NRG3: variants seen among roughly 807,000 people sequenced by gnomAD.
NRG3 encodes the protein pro-neuregulin-3, membrane-bound isoform.
In NRG3, 31 loss-of-function variants were observed where a neutral mutation model predicts 66.9. That is an observed-to-expected ratio of 0.46 (90% CI 0.35 to 0.63). The LOEUF (loss-of-function observed/expected upper bound fraction) is 0.63. Ranked by LOEUF, NRG3 falls within the 20% of genes least tolerant of loss-of-function variation. NRG3 has a pLI of 0.00. For synonymous variants in NRG3, 393 were observed against 359.4 expected (o/e 1.09, Z -1.06); for missense variants, 910 against 878.9 (o/e 1.04, Z -0.45).
chr10:81,919,078 A>G (rs1845999592), intron 1 of NRG3, among the ~76,000 whole-genome samples: 1 of 152,100 alleles, frequency 6.6e-6, no homozygotes, highest in South Asian at 2.1e-4. Flanking sequence ...GGGGAAGTAA[A>G]TGTAATAAAT....
chr10:82,790,360 C>G (rs966551185), intron 3 of NRG3, among the ~76,000 whole-genome samples: 4 of 152,002 alleles, frequency 2.6e-5, no homozygotes, highest in African/African-American at 7.2e-5. Flanking sequence ...AGGACAGTTT[C>G]GCTATTGGTT....
chr10:82,668,535 C>T (rs2052985368), intron 2 of NRG3, among the ~76,000 whole-genome samples: 1 of 152,056 alleles, frequency 6.6e-6, no homozygotes, highest in Non-Finnish European at 1.5e-5. Flanking sequence ...CAAATTTACC[C>T]CAATTTGAAA....
At chr10:82,160,528 CAG>C (rs372857490) in intron 1 of NRG3, among the ~76,000 whole-genome samples, 12 of 151,664 alleles carry the variant, frequency 7.9e-5, no homozygotes, top group African/African-American at 2.7e-4. Flanking sequence ...GTTTTTGAGA[CAG>C]AGTCTTGCTC....
chr10:82,411,380 G>A (rs371813924), intron 2 of NRG3, among the ~76,000 whole-genome samples: 22 of 152,276 alleles, frequency 1.4e-4, no homozygotes, highest in African/African-American at 4.8e-4. Context: ...TTCAAAACAA[G>A]CTCTTGCTGG....
At chr10:82,699,592 T>C (rs1392724818) in intron 2 of NRG3, among the ~76,000 whole-genome samples, 1 of 152,090 alleles carries the variant, frequency 6.6e-6, no homozygotes, top group Admixed American at 6.6e-5. Context: ...TATCTAATAC[T>C]TATTATAGCA....
chr10:81,990,714 T>C (rs1421195864), intron 1 of NRG3, among the ~76,000 whole-genome samples: 1 of 152,174 alleles, frequency 6.6e-6, no homozygotes, highest in East Asian at 1.9e-4. Context: ...ATAGCAGCCA[T>C]ATAAATAACA....
chr10:82,113,917 C>T (rs1022819043), intron 1 of NRG3, among the ~76,000 whole-genome samples: 8 of 152,058 alleles, frequency 5.3e-5, no homozygotes, highest in Non-Finnish European at 1.0e-4. Flanking sequence ...ATATTTGTAA[C>T]AATCACTTCT....
rs1057413884 is a variant in NRG3 at position 82,912,105 on chromosome 10, T to C, written c.1055-39364T>C. ...GTTTTGTGACCCAGAATTTGGTGAA[T>C]ATTTTATGTGAAATTGAGAAGAATG... is the stretch of plus-strand genomic sequence containing the variant. On this transcript the variant is annotated intron_variant, in intron 4 of 8. Coordinates refer to ENST00000372141, the MANE Select transcript of NRG3 (RefSeq NM_001010848.4). Among the ~76,000 whole-genome samples the C allele has an allele frequency of 1.2e-4, 19 of 152,304 alleles. 1 individual carries two copies. In the East Asian group the frequency reaches 1.3e-3, roughly 11 times the overall value.
rs1486965310 is a variant in NRG3 at position 82,952,214 on chromosome 10, C to T, written c.1157+643C>T. Among the ~76,000 whole-genome samples the T allele has an allele frequency of 3.3e-5, 5 of 152,048 alleles. No homozygotes were observed. In the East Asian group the frequency reaches 5.8e-4, roughly 18 times the overall value. On this transcript the variant is annotated intron_variant, in intron 5 of 8. Transcript: ENST00000372141. Reference sequence around the variant, plus strand: ...TTGAGGGGCCGAGGCAAGTGGATCACCTGAGGTCAGGAGTTCAAGACCAGC... The same window carrying T: ...TTGAGGGGCCGAGGCAAGTGGATCATCTGAGGTCAGGAGTTCAAGACCAGC...
At chr10:82,421,870 G>A (rs2089104848) in intron 2 of NRG3, among the ~76,000 whole-genome samples, 1 of 151,944 alleles carries the variant, frequency 6.6e-6, no homozygotes, top group Non-Finnish European at 1.5e-5. Context: ...AAAAAACCAT[G>A]TAATACTGCC....
chr10:82,726,150 A>G (rs2057584486), intron 2 of NRG3, among the ~76,000 whole-genome samples: 1 of 152,182 alleles, frequency 6.6e-6, no homozygotes, highest in African/African-American at 2.4e-5. Flanking sequence ...CCTAGTCTCC[A>G]GAAATTTGGG....
intron 2 of NRG3, among the ~76,000 whole-genome samples, chr10:82,363,278 T>C (rs1449913574): frequency 6.6e-6 from 1 of 152,148 alleles, no homozygotes; most frequent in Non-Finnish European, 1.5e-5. Flanking sequence ...AATTAGGTGT[T>C]TTTTTCCTAT....
At chr10:82,250,236 T>A (rs1215231011) in intron 1 of NRG3, among the ~76,000 whole-genome samples, 1 of 152,188 alleles carries the variant, frequency 6.6e-6, no homozygotes, top group Admixed American at 6.5e-5. Context: ...TATATCAATA[T>A]GGAAGGTTTT....
At chr10:82,238,919 T>TCTATATATATATATATATATATATAC (rs2076878200) in intron 1 of NRG3, among the ~76,000 whole-genome samples, 1 of 142,142 alleles carries the variant, frequency 7.0e-6, no homozygotes, top group Non-Finnish European at 1.5e-5. Context: ...ACCGTATATA[T>TCTATATATATATATATATATATATAC]ATATATATAA....
chr10:82,282,449 G>A (rs928059174), intron 1 of NRG3, among the ~76,000 whole-genome samples: 5 of 151,922 alleles, frequency 3.3e-5, no homozygotes, highest in Admixed American at 6.6e-5. Context: ...GGAAGCCAGG[G>A]CTCTGCGTAG....
In NRG3 at chr10:82,669,750, G is replaced by A. The variant is rs1014748183; in HGVS notation, c.954-68827G>A. ...GAGAGCATCCTGGCTAACACGGTGA[G>A]ACCCCGTCTCTACTAAAAATACAAA... On this transcript the variant is annotated intron_variant, in intron 2 of 8. Coordinates refer to ENST00000372141, the MANE Select transcript of NRG3 (RefSeq NM_001010848.4). Among the ~76,000 whole-genome samples the A allele has an allele frequency of 2.7e-4, 41 of 152,012 alleles. No homozygotes were observed. In the Middle Eastern group the frequency reaches 0.014, roughly 50 times the overall value.
At chr10:81,984,974 T>C (rs1432307114) in intron 1 of NRG3, among the ~76,000 whole-genome samples, 3 of 152,180 alleles carry the variant, frequency 2.0e-5, no homozygotes, top group Non-Finnish European at 4.4e-5. Flanking sequence ...AGAGGAGATA[T>C]GTTACAATGC....
chr10:82,735,670 C>T (rs1243866091), intron 2 of NRG3, among the ~76,000 whole-genome samples: 1 of 152,078 alleles, frequency 6.6e-6, no homozygotes, highest in Non-Finnish European at 1.5e-5. Context: ...GAAAACCAAA[C>T]ACCACATTAT....
chr10:82,701,627 C>G (rs1261660747), intron 2 of NRG3, among the ~76,000 whole-genome samples: 1 of 152,148 alleles, frequency 6.6e-6, no homozygotes, highest in East Asian at 1.9e-4. Flanking sequence ...ATACTCTACA[C>G]AAGGAACATA....
Sources: allele counts gnomAD v4.1 joint callset (sites outside exome capture counted in the v4.1 genomes callset), GRCh38; gene constraint gnomAD v4.1.1; transcripts MANE v1.5; gene names NCBI Gene and HGNC (gene_info 2026-07-23, HGNC 2026-07-21).